The following LRRC63 variants were observed in gnomAD, a reference collection of about 807,000 sequenced individuals.
LRRC63 encodes leucine-rich repeat-containing protein 63.
Under a neutral mutation model 49.5 loss-of-function variants are expected in LRRC63, and 40 were observed. The ratio of observed to expected loss-of-function variants is 0.81; its 90% CI spans 0.63 to 1.05. The LOEUF (loss-of-function observed/expected upper bound fraction) is 1.05, where lower values mean the gene tolerates loss of function less well. Ranked by LOEUF, LRRC63 falls within the 50% of genes least tolerant of loss-of-function variation. The pLI is 0.00. For missense variants in LRRC63, 636 were observed against 663.1 expected (o/e 0.96, Z 0.45); for synonymous variants, 191 against 221.1 (o/e 0.86, Z 1.21).
intron 4 of LRRC63, among the ~76,000 whole-genome samples, chr13:46,233,707 T>C (rs1345947102): frequency 6.6e-6 from 1 of 152,170 alleles, no homozygotes; most frequent in Admixed American, 6.5e-5. Context: ...CTATGGGGGA[T>C]CTACAAACTA....
In LRRC63 at chr13:46,214,662, G is replaced by A. The variant is rs372723583; in HGVS notation, c.85+1543G>A. On this transcript the variant is annotated intron_variant, in intron 2 of 9. Transcript: ENST00000595396. Reference sequence around the variant, plus strand: ...TTTATTTCTTCTAAAAAAAAAAAAAGCAGGATACATGCACAGAACGTGCAG... The same window carrying A: ...TTTATTTCTTCTAAAAAAAAAAAAAACAGGATACATGCACAGAACGTGCAG... Among the ~76,000 whole-genome samples the A allele has an allele frequency of 5.5e-4, 82 of 149,572 alleles. 1 individual carries two copies. The highest frequency in any genetic ancestry group is 3.5e-3 in the Middle Eastern group (1 of 288).
At position 46,228,441 on chromosome 13, in the gene LRRC63, C is replaced by T. The variant is rs188929773; in HGVS notation, c.764-224C>T. 5.1e-4 allele frequency among the ~76,000 whole-genome samples: 78 copies of T among 152,184 alleles called. 1 individual carries two copies. The highest frequency in any genetic ancestry group is 1.3e-3 in the African/African-American group (52 of 41,522). ...GAACCAACAAGGGAATTCAAAGGAT[C>T]GGAAAAGCTAATATAAAGAAGCAGT... On this transcript the variant is annotated intron_variant, in intron 3 of 9. Coordinates refer to ENST00000595396, the Ensembl canonical transcript of LRRC63.
intron 9 of LRRC63, among the ~76,000 whole-genome samples, chr13:46,271,733 A>C (rs1335269071): frequency 1.3e-5 from 2 of 151,540 alleles, no homozygotes; most frequent in Admixed American, 6.6e-5. Flanking sequence ...AAAAAAAAAA[A>C]AAAACTCCAA....
chr13:46,242,846 T>C (rs2047103688), intron 5 of LRRC63, among the ~76,000 whole-genome samples: 1 of 151,626 alleles, frequency 6.6e-6, no homozygotes, highest in Non-Finnish European at 1.5e-5. Flanking sequence ...GATAAAGACT[T>C]TCCCCAAATA....
At chr13:46,232,178 A>G (rs1267706617) in intron 4 of LRRC63, among the ~76,000 whole-genome samples, 1 of 152,174 alleles carries the variant, frequency 6.6e-6, no homozygotes, top group East Asian at 1.9e-4. Context: ...ACCAAGCCAT[A>G]GGAGATCTGC....
At chr13:46,255,645 A>AAAAAAAAAAAAAAATATATAT (rs1555328641) in intron 7 of LRRC63, among the ~76,000 whole-genome samples, 3 of 129,464 alleles carry the variant, frequency 2.3e-5, no homozygotes, top group African/African-American at 8.7e-5. Flanking sequence ...CCCTGCCTCA[A>AAAAAAAAAAAAAAATATATAT]ATATATATAT....
chr13:46,218,400 C>G (rs1199378902), intron 2 of LRRC63, among the ~76,000 whole-genome samples: 2 of 149,008 alleles, frequency 1.3e-5, no homozygotes, highest in Non-Finnish European at 3.0e-5. Flanking sequence ...TCTGCTTTAT[C>G]AGAGACTGGG....
At chr13:46,264,925 G>A (rs2047662558) in intron 8 of LRRC63, among the ~76,000 whole-genome samples, 1 of 152,172 alleles carries the variant, frequency 6.6e-6, no homozygotes, top group Admixed American at 6.5e-5. Flanking sequence ...GGGAGGCCGA[G>A]GAGGGTGTAT....
At position 46,276,843 on chromosome 13, in the gene LRRC63, T is replaced by TAA. The variant is rs1489045466; in HGVS notation, c.*41_*42insAA. On this transcript the variant is annotated 3_prime_UTR_variant, in exon 10 of 10. Transcript: ENST00000595396. Reference sequence around the variant, plus strand: ...GTATGTGTGTGTATATATATATATATATATATATTTATATATATATATATT... The same window carrying TAA: ...GTATGTGTGTGTATATATATATATATAAATATATATTTATATATATATATATT... The TAA allele has an allele frequency of 1.8e-3, 273 of 147,772 alleles. 3 individuals carry two copies. The highest frequency in any genetic ancestry group is 7.5e-3 in the African/African-American group (241 of 32,228). The allele number at this position is 147,772 out of a possible 1,614,324, so 9.2% of individuals were successfully genotyped here. A position where few individuals can be genotyped will look rare whatever the true frequency, so the allele number is the denominator to read the frequency against.
chr13:46,250,571 G>T, intron 7 of LRRC63, 80 bp downstream of exon 7: 1 of 1,201,378 alleles, frequency 8.3e-7, no homozygotes, highest in South Asian at 1.6e-5. Context: ...TTTCAAAGCA[G>T]CTAGCAGCTT....
At chr13:46,237,917 G>A (rs987055458) in intron 5 of LRRC63, among the ~76,000 whole-genome samples, 2 of 152,056 alleles carry the variant, frequency 1.3e-5, no homozygotes, top group African/African-American at 2.4e-5. Context: ...CCGAGCAGAT[G>A]TTTAATAAGT....
At chr13:46,270,055 G>A in intron 9 of LRRC63, 2 of 556,584 alleles carry the variant, frequency 3.6e-6, no homozygotes. Context: ...AATTTATAGG[G>A]GTGGTGGCGC....
At chr13:46,217,202 A>G (rs2046275979) in intron 2 of LRRC63, among the ~76,000 whole-genome samples, 1 of 152,170 alleles carries the variant, frequency 6.6e-6, no homozygotes, top group African/African-American at 2.4e-5. Flanking sequence ...TCCTCTTTGT[A>G]CATCTGGTAG....
At chr13:46,261,770 A>G in intron 7 of LRRC63, 139 bp from the exon 8 acceptor site, 2 of 341,556 alleles carry the variant, frequency 5.9e-6, no homozygotes, top group Admixed American at 4.8e-5. Flanking sequence ...TACACGATCT[A>G]TAATGAAAAG....
chr13:46,236,941 T>G (rs1458461055), intron 5 of LRRC63, among the ~76,000 whole-genome samples: 1 of 152,166 alleles, frequency 6.6e-6, no homozygotes, highest in Non-Finnish European at 1.5e-5. Context: ...GGAACAGAGA[T>G]TTTGTGTGCC....
chr13:46,270,134 T>C (rs1182370407), intron 9 of LRRC63: 1 of 695,162 alleles, frequency 1.4e-6, no homozygotes, highest in Admixed American at 2.0e-5. Context: ...GGATCAATAC[T>C]TCACTCGCTG....
At chr13:46,224,149 T>C (rs1265527651) in intron 2 of LRRC63, among the ~76,000 whole-genome samples, 1 of 152,242 alleles carries the variant, frequency 6.6e-6, no homozygotes, top group Non-Finnish European at 1.5e-5. Context: ...ACATAGGTTT[T>C]ATAGTCCTTC....
At chr13:46,258,891 T>C (rs955904791) in intron 7 of LRRC63, among the ~76,000 whole-genome samples, 6 of 152,014 alleles carry the variant, frequency 3.9e-5, no homozygotes, top group African/African-American at 1.4e-4. Context: ...TTCCTTGACC[T>C]AAATTTCTAA....
intron 8 of LRRC63, among the ~76,000 whole-genome samples, chr13:46,264,627 C>G (rs114841220): frequency 5.1e-4 from 56 of 110,524 alleles, no homozygotes; most frequent in African/African-American, 1.8e-3. Flanking sequence ...CCCCACCCCC[C>G]TCCCCAACTT....
Sources: allele counts gnomAD v4.1 joint callset (sites outside exome capture counted in the v4.1 genomes callset), GRCh38; gene constraint gnomAD v4.1.1; transcripts MANE v1.5; gene names NCBI Gene and HGNC (gene_info 2026-07-23, HGNC 2026-07-21).